Variants in EYS observed in about 807,000 individuals in gnomAD.
The protein encoded by EYS is protein eyes shut homolog.
EYS carries 250 observed loss-of-function variants against 282.1 expected under a neutral mutation model. The ratio of observed to expected loss-of-function variants is 0.89; its 90% CI spans 0.80 to 0.98. The LOEUF is 0.98. EYS is among the 50% of genes least tolerant of loss of function. The probability of loss-of-function intolerance (pLI) is 0.00; values close to 1 mark genes in which losing one functional copy is unlikely to be tolerated. For missense variants in EYS, 4,016 were observed against 3,709.0 expected (o/e 1.08, Z -2.15); for synonymous variants, 1,355 against 1,282.9 (o/e 1.06, Z -1.20).
intron 19 of EYS, among the ~76,000 whole-genome samples, chr6:64,864,385 C>CTGTTTTTTTTTTTTT: frequency 1.7e-5 from 1 of 57,166 alleles, no homozygotes; most frequent in Non-Finnish European, 3.6e-5. Flanking sequence ...GCTATACCTT[C>CTGTTTTTTTTTTTTT]TTTTTTTTTT....
At chr6:63,867,428 G>A (rs796189211) in intron 35 of EYS, among the ~76,000 whole-genome samples, 11 of 152,060 alleles carry the variant, frequency 7.2e-5, no homozygotes, top group African/African-American at 2.4e-4. Flanking sequence ...TGAATTAAAA[G>A]TAGGTCTGCG....
intron 28 of EYS, among the ~76,000 whole-genome samples, chr6:64,396,240 T>G (rs1773371929): frequency 6.6e-6 from 1 of 152,318 alleles, no homozygotes; most frequent in African/African-American, 2.4e-5. Flanking sequence ...AATTTTAAAT[T>G]GTTGAGCTAT....
Position 64,405,780 on chromosome 6 carries a change from G to T in EYS, c.5928-16940C>A, listed in dbSNP as rs572990324. Among the ~76,000 whole-genome samples, 12 of 152,184 alleles carry T rather than the reference G, an allele frequency of 7.9e-5. No homozygotes were observed. In the South Asian group the frequency reaches 1.9e-3, roughly 24 times the overall value. ...GGATTCAAACTTACAAGGATGGGAA[G>T]GACCTCAAGGAGAACTACAAACCAA... On this transcript the variant is annotated intron_variant, in intron 28 of 42. Coordinates refer to ENST00000503581, the MANE Select transcript of EYS (RefSeq NM_001142800.2).
chr6:65,084,538 C>A (rs904096645), intron 12 of EYS, among the ~76,000 whole-genome samples: 1 of 152,064 alleles, frequency 6.6e-6, no homozygotes, highest in Non-Finnish European at 1.5e-5. Context: ...TGCCCTAGAG[C>A]TTATTTTGTC....
chr6:64,757,767 T>TGTGTGTGA (rs1554200375), intron 22 of EYS, among the ~76,000 whole-genome samples: 4 of 151,514 alleles, frequency 2.6e-5, no homozygotes, highest in African/African-American at 9.7e-5. Context: ...TGTGTGTGTG[T>TGTGTGTGA]GTGTGTGTGT....
At chr6:64,178,767 A>G (rs1179740056) in intron 31 of EYS, among the ~76,000 whole-genome samples, 2 of 152,066 alleles carry the variant, frequency 1.3e-5, no homozygotes, top group Non-Finnish European at 2.9e-5. Flanking sequence ...AAAGTCATAT[A>G]AATAATATAT....
At chr6:64,567,150 G>T (rs182365722) in intron 26 of EYS, among the ~76,000 whole-genome samples, 23 of 144,286 alleles carry the variant, frequency 1.6e-4, no homozygotes, top group Admixed American at 3.4e-4. Flanking sequence ...AGGACTAAAA[G>T]AAAAAAAAAA....
intron 2 of EYS, among the ~76,000 whole-genome samples, chr6:65,588,832 T>A (rs1268914577): frequency 6.6e-6 from 1 of 152,046 alleles, no homozygotes; most frequent in Non-Finnish European, 1.5e-5. Context: ...TCAAGAGGGA[T>A]CATATATAAT....
chr6:64,815,519 C>A (rs908500136), intron 21 of EYS, among the ~76,000 whole-genome samples: 1 of 152,014 alleles, frequency 6.6e-6, no homozygotes, highest in Non-Finnish European at 1.5e-5. Context: ...ATGGGAAATA[C>A]AAAGGCAATT....
chr6:63,802,046 G>A (rs1235670072), intron 37 of EYS, among the ~76,000 whole-genome samples: 1 of 152,192 alleles, frequency 6.6e-6, no homozygotes, highest in Non-Finnish European at 1.5e-5. Flanking sequence ...AAATGTATAT[G>A]TACTACTATA....
Position 64,489,924 on chromosome 6 carries a change from C to T in EYS, c.5645-50572G>A, listed in dbSNP as rs1467593405. Among the ~76,000 whole-genome samples the T allele has an allele frequency of 2.7e-5, 4 of 150,684 alleles. No homozygotes were observed. The East Asian group carries it at 7.8e-4, about 29-fold the overall frequency. ...GAGGACACATGCTTCATGAAGAGGC[C>T]TCACAAATGAATAACGTAATGATAG... On this transcript the variant is annotated intron_variant, in intron 26 of 42. Transcript: ENST00000503581.
chr6:63,833,493 A>G (rs1270385663), intron 36 of EYS, among the ~76,000 whole-genome samples: 1 of 152,194 alleles, frequency 6.6e-6, no homozygotes, highest in East Asian at 1.9e-4. Context: ...CTAGGAATCC[A>G]ACTTACAAGG....
At chr6:65,123,779 C>CAG (rs1287847770) in intron 12 of EYS, among the ~76,000 whole-genome samples, 1 of 151,798 alleles carries the variant, frequency 6.6e-6, no homozygotes, top group Non-Finnish European at 1.5e-5. Context: ...CACACACACA[C>CAG]ACACACACTA....
chr6:65,519,708 A>ATATATATATATATATATATTTTTT (rs1554205854), intron 2 of EYS, among the ~76,000 whole-genome samples: 3 of 42,564 alleles, frequency 7.0e-5, no homozygotes, highest in African/African-American at 2.5e-4. Flanking sequence ...ATATATATAT[A>ATATATATATATATATATATTTTTT]TTTTTTTTTT....
At chr6:64,863,204 T>G in intron 19 of EYS, among the ~76,000 whole-genome samples, 1 of 152,202 alleles carries the variant, frequency 6.6e-6, no homozygotes, top group East Asian at 1.9e-4. Context: ...TTCTTCGCCA[T>G]GCATTGTACT....
intron 21 of EYS, among the ~76,000 whole-genome samples, chr6:64,816,442 T>C (rs1764742916): frequency 6.6e-6 from 1 of 152,028 alleles, no homozygotes; most frequent in Non-Finnish European, 1.5e-5. Context: ...CTGTTGGTAG[T>C]AAAAAGAGTC....
chr6:64,868,640 C>T (rs138270701), intron 19 of EYS, among the ~76,000 whole-genome samples: 1,877 of 151,452 alleles, frequency 0.012, 17 homozygotes, highest in Non-Finnish European at 0.019. Flanking sequence ...ATTGATTATA[C>T]ATAATAAACC....
At chr6:65,309,486 G>T (rs1412503003) in intron 11 of EYS, among the ~76,000 whole-genome samples, 1 of 152,128 alleles carries the variant, frequency 6.6e-6, no homozygotes, top group African/African-American at 2.4e-5. Flanking sequence ...TTATTCATGT[G>T]CCTCTGCTTC....
At chr6:63,814,556 A>G (rs986775018) in intron 36 of EYS, among the ~76,000 whole-genome samples, 1 of 152,226 alleles carries the variant, frequency 6.6e-6, no homozygotes, top group Admixed American at 6.5e-5. Flanking sequence ...AGAGTTTTAC[A>G]TTAAGATAGA....
Sources: gnomAD v4.1 joint callset for allele counts (sites outside exome capture counted in the v4.1 genomes callset) on GRCh38, gnomAD v4.1.1 for gene constraint, MANE v1.5 for transcripts, NCBI Gene and HGNC (gene_info 2026-07-23, HGNC 2026-07-21) for gene names.